SSH1: variants seen among roughly 807,000 people sequenced by gnomAD.
SSH1 encodes protein phosphatase Slingshot homolog 1.
A neutral mutation model predicts 79.7 loss-of-function variants in SSH1; 43 were observed. That is an observed-to-expected ratio of 0.54 (90% CI 0.42 to 0.70). The LOEUF (loss-of-function observed/expected upper bound fraction) is 0.70, where lower values mean the gene tolerates loss of function less well. Ranked by LOEUF, SSH1 falls within the 30% of genes least tolerant of loss-of-function variation. The pLI, the probability that SSH1 is intolerant of heterozygous loss-of-function variation, is 0.00. For synonymous variants in SSH1, 599 were observed against 538.3 expected, an observed-to-expected ratio of 1.11 and a Z score of -1.56; for missense variants, 1,206 against 1,358.8, an observed-to-expected ratio of 0.89 and a Z score of 1.77.
intron 3 of SSH1, among the ~76,000 whole-genome samples, chr12:108,822,023 G>A (rs1452491092): frequency 2.0e-5 from 3 of 152,140 alleles, no homozygotes; most frequent in Admixed American, 6.5e-5. Context: ...GTCCACCTAC[G>A]ACAAAGATCC....
In SSH1 at chr12:108,788,455, G is replaced by C. The variant is rs773626568; in HGVS notation, c.2683C>G (p.Leu895Val). The C allele has an allele frequency of 6.4e-7, 1 of 1,566,404 alleles. No homozygotes were observed. Among genetic ancestry groups the C allele is most frequent in the Non-Finnish European group, 8.6e-7 (1 of 1,158,464 alleles). Residue 895 changes from leucine (L) to valine (V), a missense_variant, in exon 15 of 15, where the codon CTG becomes GTG. By Grantham distance (32) the Leu-to-Val change is conservative. This residue lies in a region of SSH1 where 709 missense variants were observed against 730.6 expected (regional missense o/e 0.97). Transcript: ENST00000326495. The stretch of plus-strand genomic sequence containing the variant: ...TAGAAGAAAGGAGGGGGGCTCTTCA[G>C]TGAGCCTCCTTCCAATGAAGCGGGG... ...AAPASLEGGS[L>V]KSPPPFFYRL...
At chr12:108,824,113 AC>A (rs1394708917) in intron 2 of SSH1, among the ~76,000 whole-genome samples, 2 of 152,234 alleles carry the variant, frequency 1.3e-5, no homozygotes, top group Non-Finnish European at 2.9e-5. Context: ...TTGATGGAAT[AC>A]AAGATGAAAT....
intron 6 of SSH1, among the ~76,000 whole-genome samples, chr12:108,810,741 A>G (rs991755504): frequency 2.6e-5 from 4 of 152,180 alleles, no homozygotes; most frequent in Admixed American, 1.3e-4. Context: ...TTGGGAGTGA[A>G]CGCGTGCGGA....
intron 2 of SSH1, among the ~76,000 whole-genome samples, chr12:108,847,188 T>C (rs905682463): frequency 2.0e-5 from 3 of 152,158 alleles, no homozygotes; most frequent in Non-Finnish European, 4.4e-5. Context: ...CGTGAGCCAC[T>C]GGGCCTGGCC....
chr12:108,813,962 G>A (rs1438308272), intron 5 of SSH1, among the ~76,000 whole-genome samples: 1 of 151,934 alleles, frequency 6.6e-6, no homozygotes, highest in South Asian at 2.1e-4. Flanking sequence ...AGTGGCTCAC[G>A]CCTGTAATCC....
intron 2 of SSH1, 75 bp from the exon 3 acceptor site, chr12:108,823,436 A>G: frequency 7.9e-7 from 1 of 1,263,852 alleles, no homozygotes; most frequent in Non-Finnish European, 1.1e-6. Context: ...ACTGCAGGGG[A>G]AAAAGCTTTA....
At chr12:108,798,150 A>G (rs1384854094) in intron 13 of SSH1, among the ~76,000 whole-genome samples, 1 of 152,110 alleles carries the variant, frequency 6.6e-6, no homozygotes, top group South Asian at 2.1e-4. Context: ...GCTCCCTCCC[A>G]TGAGGGGTTG....
Position 108,811,323 on chromosome 12 carries a change from C to G in SSH1, c.407G>C (p.Ser136Thr), listed in dbSNP as rs367979171. 2 of 1,614,224 alleles carry G rather than the reference C, an allele frequency of 1.2e-6. No individual in the cohort carries two copies. The highest frequency in any genetic ancestry group is 1.7e-6 in the Non-Finnish European group (2 of 1,180,036). Reference protein sequence around the residue: ...GVDFSSKESKSCTIGMVLRLW... With the variant: ...GVDFSSKESKTCTIGMVLRLW... ...TCGGAGAACCATCCCAATGGTGCAG[C>G]TTTTACTGCGATGGGGGAGAGAAGA... The change falls in exon 6 of 15, where the codon AGC becomes ACC. Residue 136 changes from serine to threonine, a missense_variant. Physicochemically the swap from Ser to Thr is moderately conservative, Grantham distance 58 (BLOSUM62 1). Coordinates refer to ENST00000326495, the MANE Select transcript of SSH1 (RefSeq NM_018984.4).
intron 2 of SSH1, among the ~76,000 whole-genome samples, chr12:108,841,947 C>T (rs1401165183): frequency 6.6e-6 from 1 of 152,002 alleles, no homozygotes; most frequent in African/African-American, 2.4e-5. Context: ...AGTTCAAGAT[C>T]AGCCTGGGCA....
chr12:108,836,331 C>T (rs1213097930), intron 2 of SSH1, among the ~76,000 whole-genome samples: 2 of 152,106 alleles, frequency 1.3e-5, no homozygotes, highest in Non-Finnish European at 2.9e-5. Context: ...GTTAGCAACA[C>T]CCCAACAGCA....
rs145438808 is a variant in SSH1, at chr12:108,801,289, A to G, written c.1002-363T>C. ...AAAAATCCCAGTGTCTTCACTCTTA[A>G]AGAGCTAAAAAGCAGACTATATCCA... On this transcript the variant is annotated intron_variant, in intron 11 of 14. Transcript: ENST00000326495. 2.2e-4 allele frequency among the ~76,000 whole-genome samples: 34 copies of G among 152,346 alleles called. No homozygotes were observed. The East Asian group carries it at 4.6e-3, about 21-fold the overall frequency.
rs2136953074 is a variant in SSH1, at chr12:108,787,986, G to T, written c.*2C>A. ...GCCCAGCCTGACGCAGCAAAAGGCG[G>T]GTCAGCTTTTGCTCATCCACGAAGG... On this transcript the variant is annotated 3_prime_UTR_variant, in exon 15 of 15. Transcript: ENST00000326495. The T allele has an allele frequency of 6.2e-7, 1 of 1,614,122 alleles. No homozygotes were observed.
rs756596839 is a variant in SSH1 at position 108,795,028 on chromosome 12, G to A, written c.1350-2199C>T. On this transcript the variant is annotated intron_variant, in intron 13 of 14. Coordinates refer to ENST00000326495, the MANE Select transcript of SSH1 (RefSeq NM_018984.4). ...TACATGACTCTCTTCCCCCTACCCC[G>A]CTTCACATGAAAATTGTGCATTTCT... Among the ~76,000 whole-genome samples the A allele has an allele frequency of 1.8e-4, 27 of 152,068 alleles. 1 individual carries two copies. Among genetic ancestry groups the A allele is most frequent in the African/African-American group, 2.7e-4 (11 of 41,392 alleles).
chr12:108,810,568 G>A (rs7974812), intron 6 of SSH1, among the ~76,000 whole-genome samples: 6,906 of 152,052 alleles, frequency 0.045, 547 homozygotes, highest in African/African-American at 0.16. Flanking sequence ...AATTAAAAAG[G>A]AAAAATATCC....
At chr12:108,801,688 G>A (rs1265178760) in intron 11 of SSH1, among the ~76,000 whole-genome samples, 1 of 150,194 alleles carries the variant, frequency 6.7e-6, no homozygotes, top group Non-Finnish European at 1.5e-5. Context: ...ATTCTAGAAT[G>A]TCATCATGTC....
intron 12 of SSH1, among the ~76,000 whole-genome samples, chr12:108,800,227 C>G (rs147548056): frequency 6.6e-6 from 1 of 152,110 alleles, no homozygotes; most frequent in East Asian, 1.9e-4. Flanking sequence ...AAAATGAGCA[C>G]CAGAGACAGG....
rs773009713 is a variant in SSH1, at chr12:108,807,647, C to A, written c.717G>T (p.Ala239=). 1 of 1,612,632 alleles carries A rather than the reference C, an allele frequency of 6.2e-7. No individual in the cohort carries two copies. Among genetic ancestry groups the A allele is most frequent in the Non-Finnish European group, 8.5e-7 (1 of 1,179,268 alleles). The part of the protein sequence containing the change: ...DLESTRPDSP[A]LFVDKPTEGE... ...ACCTCACTTACTTGTCCACAAATAG[C>A]GCGGGGGAGTCGGGCCGCGTAGACT... The change falls in exon 8 of 15, where the codon GCG becomes GCT. Residue 239 remains alanine (A), a synonymous_variant. Transcript: ENST00000326495. The surrounding 1 kb of genome is among the most constrained non-coding windows in gnomAD (Gnocchi z 5.2).
In SSH1 at chr12:108,839,793, G is replaced by A. The variant is rs140994995; in HGVS notation, c.110+12845C>T. ...CTTGCAGGAAAACAGGTCAAGGCTG[G>A]GTTTTTCCTCTTAGGTGTCACTTGG... On this transcript the variant is annotated intron_variant, in intron 2 of 14. Transcript: ENST00000326495. Among the ~76,000 whole-genome samples the A allele has an allele frequency of 3.1e-3, 470 of 152,334 alleles. 5 individuals carry two copies. Among genetic ancestry groups the A allele is most frequent in the African/African-American group, 0.01 (427 of 41,580 alleles).
chr12:108,818,158 A>T, intron 4 of SSH1, 91 bp downstream of exon 4: 1 of 1,063,080 alleles, frequency 9.4e-7, no homozygotes, highest in Non-Finnish European at 1.5e-6. Context: ...AGATCATGCC[A>T]CTGCACTCCA....
Sources: allele counts gnomAD v4.1 joint callset (sites outside exome capture counted in the v4.1 genomes callset), GRCh38; gene constraint gnomAD v4.1.1; regional missense constraint gnomAD v4.1.1; non-coding constraint Gnocchi (gnomAD v3.1); transcripts MANE v1.5; gene names NCBI Gene and HGNC (gene_info 2026-07-23, HGNC 2026-07-21).